Variants in EPHA10 observed in about 807,000 individuals in gnomAD.
EPHA10 encodes ephrin type-A receptor 10.
A neutral mutation model predicts 109.7 loss-of-function variants in EPHA10; 120 were observed. The observed-to-expected ratio is 1.09, with a 90% confidence interval of 0.94 to 1.27. EPHA10 has a LOEUF of 1.27. EPHA10 is among the 50% of genes most tolerant of loss of function. The probability of loss-of-function intolerance (pLI) is 0.00; values close to 1 mark genes in which losing one functional copy is unlikely to be tolerated. For synonymous variants in EPHA10, 640 were observed against 618.9 expected, an observed-to-expected ratio of 1.03 and a Z score of -0.51; for missense variants, 1,396 against 1,411.1, an observed-to-expected ratio of 0.99 and a Z score of 0.17.
At chr1:37,731,604 A>T (rs1438161842) in intron 6 of EPHA10, 22 bp from the exon 7 acceptor site, 9 of 1,584,344 alleles carry the variant, frequency 5.7e-6, no homozygotes, top group Non-Finnish European at 7.7e-6. Context: ...TCAAGAAGTG[A>T]AGCCCACCAG....
chr1:37,720,913 C>T, intron 11 of EPHA10, 69 bp from the exon 12 acceptor site: 2 of 1,524,606 alleles, frequency 1.3e-6, no homozygotes, highest in Non-Finnish European at 1.8e-6. Flanking sequence ...AAGTTTCCCC[C>T]CCAGGGTCCC....
At chr1:37,721,510 A>T in intron 11 of EPHA10, 150 bp downstream of exon 11, 2 of 734,702 alleles carry the variant, frequency 2.7e-6, no homozygotes, top group Non-Finnish European at 4.2e-6. Flanking sequence ...GGCCGCCTTG[A>T]GTCAGTGAAA....
Position 37,751,214 on chromosome 1 carries a change from A to G in EPHA10, c.1357+1662T>C, listed in dbSNP as rs577267375. 9.2e-3 allele frequency among the ~76,000 whole-genome samples: 1,129 copies of G among 122,474 alleles called. 23 individuals carry two copies. Among genetic ancestry groups the G allele is most frequent in the African/African-American group, 0.031 (1,006 of 32,428 alleles). The allele number at this position is 122,474 out of a possible 152,430, so 80.3% of individuals were successfully genotyped here. A position where few individuals can be genotyped will look rare whatever the true frequency, so the allele number is the denominator to read the frequency against. Reference sequence around the variant, plus strand: ...CGAGACTCCTCTCAAAAAAAAAAAAAAAAGAAAGAAAGAAAGAAAAAGAAA... The same window carrying G: ...CGAGACTCCTCTCAAAAAAAAAAAAGAAAGAAAGAAAGAAAGAAAAAGAAA... On this transcript the variant is annotated intron_variant, in intron 5 of 16. Coordinates refer to ENST00000373048, the MANE Select transcript of EPHA10 (RefSeq NM_001099439.2).
intron 14 of EPHA10, 137 bp downstream of exon 14, chr1:37,719,772 A>T (rs1266868062): frequency 6.7e-7 from 1 of 1,493,354 alleles, no homozygotes; most frequent in Non-Finnish European, 9.2e-7. Context: ...GGCAGTGGCC[A>T]GGCAGAACCA....
rs777106480 is a variant in EPHA10 at position 37,765,079 on chromosome 1, G to T, written c.-13C>A. On this transcript the variant is annotated 5_prime_UTR_variant, in exon 1 of 17. Coordinates refer to ENST00000373048, the MANE Select transcript of EPHA10 (RefSeq NM_001099439.2). Reference sequence around the variant, plus strand: ...CGCAGGTCTCCATGGTCCGCAGACCGAGCTGTCAGTCCGGCGGCGGCTCAA... The same window carrying T: ...CGCAGGTCTCCATGGTCCGCAGACCTAGCTGTCAGTCCGGCGGCGGCTCAA... 17 of 1,581,234 alleles carry T rather than the reference G, an allele frequency of 1.1e-5. No homozygotes were observed. The South Asian group carries it at 1.9e-4, about 18-fold the overall frequency.
chr1:37,752,456 A>AT (rs1646342183), intron 5 of EPHA10, among the ~76,000 whole-genome samples: 1 of 152,120 alleles, frequency 6.6e-6, no homozygotes, highest in Admixed American at 6.5e-5. Flanking sequence ...TCCTACTGAC[A>AT]TTTTTTTAAA....
chr1:37,738,921 T>C (rs1341438802), intron 5 of EPHA10, among the ~76,000 whole-genome samples: 2 of 152,148 alleles, frequency 1.3e-5, no homozygotes, highest in African/African-American at 4.8e-5. Flanking sequence ...AAACACCGCA[T>C]GTTCTCACTC....
intron 3 of EPHA10, among the ~76,000 whole-genome samples, chr1:37,755,301 C>T (rs560463): frequency 0.36 from 54,275 of 151,282 alleles, 9,730 homozygotes; most frequent in Middle Eastern, 0.48. Flanking sequence ...TCCACAGTTA[C>T]GCAGGGACAG....
At position 37,716,655 on chromosome 1, in the gene EPHA10, C is replaced by A. The variant is rs140074960; in HGVS notation, c.*1717G>T. ...CTGTCCCCCACCTCTGGGTGCTCTG[C>A]AAAGAGGCACTGCACCTTCCCGCCT... On this transcript the variant is annotated 3_prime_UTR_variant, in exon 17 of 17. Coordinates refer to ENST00000373048, the MANE Select transcript of EPHA10 (RefSeq NM_001099439.2). 1,287 of 232,746 alleles carry A rather than the reference C, an allele frequency of 5.5e-3. 21 individuals carry two copies. The highest frequency in any genetic ancestry group is 0.026 in the African/African-American group (1,158 of 45,386). 14.4% of individuals were successfully genotyped at this position (232,746 alleles called of 1,614,324 possible).
chr1:37,755,753 C>T lies in EPHA10; in HGVS notation c.851-1383G>A, dbSNP rs569846953. Among the ~76,000 whole-genome samples the T allele has an allele frequency of 1.4e-4, 22 of 152,278 alleles. No individual in the cohort carries two copies. The South Asian group carries it at 3.7e-3, about 26-fold the overall frequency. ...ATGATAGTAATTACTGTTCCTCCCC[C>T]ACAGGCCTTAAGTGGTAACTGCTAA... On this transcript the variant is annotated intron_variant, in intron 3 of 16. Transcript: ENST00000373048.
In EPHA10 at chr1:37,736,896, G is replaced by A. The variant is rs183383283; in HGVS notation, c.1358-1506C>T. ...ACTTAGACATAAACTTAACCAAAGGGATGAAAGACTTTTATACAGAAAACT... is the reference window on the plus strand; with the variant it reads ...ACTTAGACATAAACTTAACCAAAGGAATGAAAGACTTTTATACAGAAAACT... On this transcript the variant is annotated intron_variant, in intron 5 of 16. Transcript: ENST00000373048. Among the ~76,000 whole-genome samples, 56 of 152,104 alleles carry A rather than the reference G, an allele frequency of 3.7e-4. No individual in the cohort carries two copies. The East Asian group carries it at 0.01, about 28-fold the overall frequency.
chr1:37,721,998 G>T, intron 10 of EPHA10, 153 bp from the exon 11 acceptor site: 1 of 677,168 alleles, frequency 1.5e-6, no homozygotes, highest in Non-Finnish European at 2.3e-6. Flanking sequence ...AGACAAGGTG[G>T]CACATGCCTG....
Position 37,718,138 on chromosome 1 carries a change from T to G in EPHA10, c.*234A>C. 1 of 536,846 alleles carries G rather than the reference T, an allele frequency of 1.9e-6. No individual in the cohort carries two copies. The highest frequency in any genetic ancestry group is 3.3e-6 in the Non-Finnish European group (1 of 304,530). 33.3% of individuals were successfully genotyped at this position (536,846 alleles called of 1,614,324 possible). ...CTGCTGTTATCTCAGGGGTCCTCCCTAGGGATTTGAACCTCTTTTCAGGGG... is the reference window on the plus strand; with the variant it reads ...CTGCTGTTATCTCAGGGGTCCTCCCGAGGGATTTGAACCTCTTTTCAGGGG... On this transcript the variant is annotated 3_prime_UTR_variant, in exon 17 of 17. Transcript: ENST00000373048.
Position 37,753,019 on chromosome 1 carries a change from A to C in EPHA10, c.1214T>G (p.Leu405Arg). The C allele has an allele frequency of 1.6e-6, 2 of 1,227,718 alleles. No individual in the cohort carries two copies. The highest frequency in any genetic ancestry group is 3.1e-5 in the South Asian group (1 of 32,194). The allele number at this position is 1,227,718 out of a possible 1,614,324, so 76.1% of individuals were successfully genotyped here. ...CAGCAGCGTGGCGGCTCGCTCCCGC[A>C]GCCCTGCCTGGCGCGGTAGGAAGGC... The part of the protein sequence containing the change: ...RVAFLPRQAG[L>R]RERAATLLHL... Residue 405 changes from leucine (L) to arginine (R), a missense_variant, in exon 5 of 17, where the codon CTG becomes CGG. Transcript: ENST00000373048.
At chr1:37,737,731 A>G (rs540561104) in intron 5 of EPHA10, among the ~76,000 whole-genome samples, 65 of 152,356 alleles carry the variant, frequency 4.3e-4, no homozygotes, top group African/African-American at 1.5e-3. Flanking sequence ...CACCAAAAGC[A>G]CAGGCAGCAA....
intron 3 of EPHA10, among the ~76,000 whole-genome samples, chr1:37,757,667 TTC>T (rs768332938): frequency 8.0e-5 from 12 of 150,896 alleles, no homozygotes; most frequent in Admixed American, 1.3e-4. Context: ...CTGAGTCTCT[TTC>T]TCTCTCTCTC....
rs1016501297 is a variant in EPHA10, at chr1:37,735,606, C to G, written c.1358-216G>C. On this transcript the variant is annotated intron_variant, in intron 5 of 16. Coordinates refer to ENST00000373048, the MANE Select transcript of EPHA10 (RefSeq NM_001099439.2). ...CAGAGGAAAGAAGCACCTCTGCCCC[C>G]ACAGCCCTTTTCTTCATTGTCCCAT... Among the ~76,000 whole-genome samples, 6 of 152,172 alleles carry G rather than the reference C, an allele frequency of 3.9e-5. No individual in the cohort carries two copies. The South Asian group carries it at 8.3e-4, about 21-fold the overall frequency.
intron 3 of EPHA10, among the ~76,000 whole-genome samples, chr1:37,755,613 A>C (rs1331340481): frequency 1.3e-5 from 2 of 152,210 alleles, no homozygotes; most frequent in Admixed American, 6.5e-5. Flanking sequence ...GGCCTTGAGC[A>C]CATCAGTTGA....
intron 6 of EPHA10, among the ~76,000 whole-genome samples, chr1:37,731,855 CA>C (rs760403470): frequency 2.6e-5 from 4 of 152,182 alleles, no homozygotes; most frequent in Admixed American, 6.5e-5. Flanking sequence ...GAGAAGACAC[CA>C]GATCCTCCTT....
Sources: gnomAD v4.1 joint callset for allele counts (sites outside exome capture counted in the v4.1 genomes callset) on GRCh38, gnomAD v4.1.1 for gene constraint, MANE v1.5 for transcripts, NCBI Gene and HGNC (gene_info 2026-07-23, HGNC 2026-07-21) for gene names.